Variants in ARMCX4 observed in about 807,000 individuals in gnomAD.
ARMCX4 encodes the protein armadillo repeat-containing X-linked protein 4.
Under a neutral mutation model 34.7 loss-of-function variants are expected in ARMCX4, and 3 were observed. The observed-to-expected ratio is 0.09, with a 90% CI of 0.04 to 0.22. The LOEUF is 0.22. ARMCX4 is among the 10% of genes least tolerant of loss of function. ARMCX4 has a pLI of 1.00. For synonymous variants in ARMCX4, 513 were observed against 632.8 expected (o/e 0.81, Z 2.84); for missense variants, 1,448 against 1,720.8 (o/e 0.84, Z 2.81).
At chrX:101,523,446 C>A (rs782662107) in intron 11 of ARMCX4, among the ~76,000 whole-genome samples, 1 of 112,344 alleles carries the variant, frequency 8.9e-6, no homozygotes, top group Non-Finnish European at 1.9e-5. Flanking sequence ...GGATAAAAAT[C>A]TAATTGGCTA....
downstream of ARMCX4, chrX:101,499,492 A>C (rs1934249867): frequency 8.9e-6 from 1 of 112,441 alleles, no homozygotes; most frequent in Admixed American, 9.4e-5. Context: ...TGAGAGGGAC[A>C]TCAGCATCAC....
downstream of ARMCX4, among the ~76,000 whole-genome samples, chrX:101,500,647 C>T (rs2147686950): frequency 8.9e-6 from 1 of 112,354 alleles, no homozygotes; most frequent in East Asian, 2.8e-4. Flanking sequence ...CAGCAGAAAG[C>T]ATGGCCTTAA....
intron 2 of ARMCX4, among the ~76,000 whole-genome samples, chrX:101,426,265 C>T (rs1929617466): frequency 9.0e-6 from 1 of 111,444 alleles, no homozygotes; most frequent in African/African-American, 3.3e-5. Context: ...CATCTGGAAT[C>T]GAAAGCATAG....
intron 3 of ARMCX4, 142 bp from the exon 4 acceptor site, chrX:101,487,466 T>C (rs1341911778): frequency 4.6e-6 from 1 of 217,730 alleles, no homozygotes; most frequent in Non-Finnish European, 8.5e-6. Flanking sequence ...GAAGACTTGA[T>C]GGGGGGACCA....
intron 4 of ARMCX4, among the ~76,000 whole-genome samples, chrX:101,477,465 A>AAAAC (rs1933249839): frequency 5.2e-5 from 5 of 95,555 alleles, no homozygotes; most frequent in East Asian, 3.2e-4. Flanking sequence ...AAAAAAAAAA[A>AAAAC]TCTTACTGCT....
chrX:101,508,497 G>A (rs1934508439), intron 8 of ARMCX4, among the ~76,000 whole-genome samples: 1 of 110,517 alleles, frequency 9.0e-6, no homozygotes, highest in African/African-American at 3.3e-5. Context: ...CTTCTTATAA[G>A]GACACCAATC....
intron 11 of ARMCX4, among the ~76,000 whole-genome samples, chrX:101,515,393 C>CTTT (rs1556017492): frequency 0.012 from 121 of 10,424 alleles, 6 homozygotes; most frequent in African/African-American, 0.015. Flanking sequence ...TTCTTTCTTT[C>CTTT]CCTCCCTCCC....
intron 7 of ARMCX4, among the ~76,000 whole-genome samples, chrX:101,504,218 C>T (rs782552915): frequency 2.0e-3 from 218 of 111,271 alleles, no homozygotes; most frequent in African/African-American, 6.3e-3. Context: ...AGTCAGGTAG[C>T]CTGATGCCTC....
rs1933663710 is a variant in ARMCX4, at chrX:101,485,578, A to G, written c.-437+48A>G. ...GCCCTGGCCAGGCCGGCAGAAGCTC[A>G]CTGACCCCGGCAGCGGTTACGGGGC... On this transcript the variant is annotated intron_variant, in intron 1 of 5. Transcript: ENST00000423738. The G allele has an allele frequency of 1.5e-5, 3 of 197,683 alleles. No homozygotes were observed. In the South Asian group the frequency reaches 7.1e-4, roughly 47 times the overall value. 16.3% of individuals were successfully genotyped at this position (197,683 alleles called of 1,213,427 possible).
intron 2 of ARMCX4, among the ~76,000 whole-genome samples, chrX:101,433,961 T>C (rs1173380366): frequency 1.8e-5 from 2 of 109,461 alleles, no homozygotes; most frequent in Admixed American, 9.9e-5. Context: ...TTTTTTTTTT[T>C]CCGAGATGGG....
At chrX:101,534,167 C>T (rs1261608464), downstream of ARMCX4, among the ~76,000 whole-genome samples, 1 of 111,516 alleles carries the variant, frequency 9.0e-6, no homozygotes, top group Non-Finnish European at 1.9e-5. Context: ...GGATTGATAA[C>T]CTACAGTGTG....
chrX:101,502,305 G>A (rs1446921797), intron 7 of ARMCX4, among the ~76,000 whole-genome samples: 1 of 112,087 alleles, frequency 8.9e-6, no homozygotes, highest in African/African-American at 3.2e-5. Flanking sequence ...GCAGTGGCAC[G>A]ATCATGGCTC....
In ARMCX4 at chrX:101,493,585, G is replaced by A. The variant is rs145757188; in HGVS notation, c.4996G>A (p.Ala1666Thr). Residue 1666 changes from alanine (A) to threonine (T), a missense_variant, in exon 6 of 6, where the codon GCT becomes ACT. By Grantham distance (58) the Ala-to-Thr change is moderately conservative. Transcript: ENST00000423738. ...DCSKPEFEDQ[A>T]CGGGSWAGAG... ...TTCCAAGCCTGAATTTGAGGATCAG[G>A]CTTGTGGAGGAGGCTCCTGGGCTGG... 1.7e-3 allele frequency: 2,013 copies of A among 1,151,778 alleles called. 20 individuals are homozygous for A. In the African/African-American group the frequency reaches 0.03, roughly 17 times the overall value. 94.9% of individuals were successfully genotyped at this position (1,151,778 alleles called of 1,213,427 possible).
intron 11 of ARMCX4, among the ~76,000 whole-genome samples, chrX:101,518,388 T>C (rs1934785351): frequency 8.9e-6 from 1 of 111,778 alleles, no homozygotes; most frequent in Admixed American, 9.5e-5. Context: ...AGTGGTTAAA[T>C]GGTGACATTA....
chrX:101,497,996 C>A, downstream of ARMCX4: 1 of 230,277 alleles, frequency 4.3e-6, no homozygotes, highest in Admixed American at 6.0e-5. Flanking sequence ...ATTTCCTCAG[C>A]TGAAGAAAGC....
intron 2 of ARMCX4, among the ~76,000 whole-genome samples, chrX:101,432,230 A>G (rs573684578): frequency 3.6e-5 from 4 of 111,329 alleles, no homozygotes; most frequent in East Asian, 5.7e-4. Context: ...TCTTGACCCT[A>G]TATGTCTTGC....
chrX:101,513,860 A>G (rs186079734), intron 11 of ARMCX4, among the ~76,000 whole-genome samples: 200 of 110,048 alleles, frequency 1.8e-3, no homozygotes, highest in Non-Finnish European at 2.8e-3. Context: ...GGGCATGGAA[A>G]CACTAAGGGG....
chrX:101,499,780 A>G (rs1438571604), downstream of ARMCX4, among the ~76,000 whole-genome samples: 2 of 112,134 alleles, frequency 1.8e-5, no homozygotes, highest in Non-Finnish European at 3.8e-5. Flanking sequence ...TTAATAGGAC[A>G]TGGACAGTCA....
intron 7 of ARMCX4, among the ~76,000 whole-genome samples, chrX:101,501,001 T>C (rs1556013463): frequency 1.8e-5 from 2 of 112,018 alleles, no homozygotes; most frequent in East Asian, 5.6e-4. Context: ...CCACATTAAG[T>C]ATAATTTTTA....
Sources: gnomAD v4.1 joint callset for allele counts (sites outside exome capture counted in the v4.1 genomes callset) on GRCh38, gnomAD v4.1.1 for gene constraint, MANE v1.5 for transcripts, NCBI Gene and HGNC (gene_info 2026-07-23, HGNC 2026-07-21) for gene names.